Variants in REPS1 observed in about 807,000 individuals in gnomAD.
REPS1 encodes the protein ralBP1-associated Eps domain-containing protein 1.
Under a neutral mutation model 100.9 loss-of-function variants are expected in REPS1, and 39 were observed. That is an observed-to-expected ratio of 0.39 (90% CI 0.30 to 0.50). The LOEUF (loss-of-function observed/expected upper bound fraction) is 0.50, where lower values mean the gene tolerates loss of function less well. Ranked by LOEUF, REPS1 falls within the 20% of genes least tolerant of loss-of-function variation. The probability of loss-of-function intolerance (pLI) is 0.86; values close to 1 mark genes in which losing one functional copy is unlikely to be tolerated. For missense variants in REPS1, 821 were observed against 968.5 expected (o/e 0.85, Z 2.02); for synonymous variants, 324 against 340.3 (o/e 0.95, Z 0.53).
chr6:138,958,874 G>A (rs1263832174), intron 1 of REPS1, among the ~76,000 whole-genome samples: 2 of 152,074 alleles, frequency 1.3e-5, no homozygotes, highest in Non-Finnish European at 2.9e-5. Context: ...TATAAAACAA[G>A]AATAGTTCCT....
At chr6:138,978,880 C>T (rs575401179) in intron 1 of REPS1, among the ~76,000 whole-genome samples, 7 of 152,178 alleles carry the variant, frequency 4.6e-5, no homozygotes, top group African/African-American at 1.7e-4. Context: ...CTTTCTTCCC[C>T]ACTGTTAAAA....
chr6:138,943,494 A>G lies in REPS1; in HGVS notation c.980+19T>C. ...TTGGAAGCAACCCAGTTACCCAACT[A>G]ATGATATACCACACTTACCAAATAT... is the stretch of plus-strand genomic sequence containing the variant. On this transcript the variant is annotated intron_variant, in intron 7 of 19. Transcript: ENST00000450536. 6.6e-7 allele frequency: 1 copy of G among 1,504,744 alleles called. No homozygotes were observed. The highest frequency in any genetic ancestry group is 9.2e-7 in the Non-Finnish European group (1 of 1,086,972). 93.2% of individuals were successfully genotyped at this position (1,504,744 alleles called of 1,614,324 possible). A position where few individuals can be genotyped will look rare whatever the true frequency, so the allele number is the denominator to read the frequency against.
chr6:138,986,876 C>T (rs1785289596), intron 1 of REPS1, among the ~76,000 whole-genome samples: 1 of 152,214 alleles, frequency 6.6e-6, no homozygotes, highest in African/African-American at 2.4e-5. Flanking sequence ...CTGTTCAATA[C>T]TCATCTCCCA....
intron 1 of REPS1, among the ~76,000 whole-genome samples, chr6:138,955,457 A>AGTGT (rs1554294151): frequency 0.02 from 1,805 of 90,722 alleles, 43 homozygotes; most frequent in East Asian, 0.056. Context: ...AAAAAAAAAA[A>AGTGT]GTGTGTGTGT....
At chr6:138,943,469 T>C in intron 7 of REPS1, 44 bp downstream of exon 7, 1 of 1,267,604 alleles carries the variant, frequency 7.9e-7, no homozygotes, top group South Asian at 1.2e-5. Flanking sequence ...TAGAAACTCC[T>C]TGGAAGCAAC....
At position 138,947,780 on chromosome 6, in the gene REPS1, C is replaced by T; in HGVS notation, c.277+10G>A. The stretch of plus-strand genomic sequence containing the variant: ...ATTTTCTTTCGGTTACTAGTGTACT[C>T]TATATTTACCTGTATTTATACTTTC... On this transcript the variant is annotated intron_variant, in intron 2 of 19. Transcript: ENST00000450536. 1 of 1,575,310 alleles carries T rather than the reference C, an allele frequency of 6.3e-7. No homozygotes were observed.
chr6:138,944,450 T>C (rs1308265146), intron 5 of REPS1, 48 bp downstream of exon 5: 2 of 1,583,378 alleles, frequency 1.3e-6, no homozygotes, highest in South Asian at 1.1e-5. Context: ...ACTGGAGCAA[T>C]ACTCTGAATG....
chr6:138,967,321 A>C (rs1784079290), intron 1 of REPS1, among the ~76,000 whole-genome samples: 1 of 152,244 alleles, frequency 6.6e-6, no homozygotes, highest in South Asian at 2.1e-4. Flanking sequence ...TAATCTTTAA[A>C]AATCTATTTC....
intron 10 of REPS1, among the ~76,000 whole-genome samples, chr6:138,921,990 TGTGTGTG>T (rs1780804861): frequency 1.3e-5 from 2 of 151,850 alleles, no homozygotes; most frequent in African/African-American, 4.8e-5. Flanking sequence ...TGTGTGTGTG[TGTGTGTG>T]TGTGTGTGAG....
At chr6:138,954,317 T>G (rs553068058) in intron 1 of REPS1, among the ~76,000 whole-genome samples, 1 of 152,122 alleles carries the variant, frequency 6.6e-6, no homozygotes, top group Non-Finnish European at 1.5e-5. Context: ...GGAAGGATAC[T>G]GAATGCTCCT....
chr6:138,944,673 A>G, intron 4 of REPS1, 51 bp from the exon 5 acceptor site: 1 of 1,561,036 alleles, frequency 6.4e-7, no homozygotes. Flanking sequence ...GAAAAAAGTT[A>G]CTAGGAAGTT....
chr6:138,945,755 C>T (rs1782572979), intron 2 of REPS1, 58 bp from the exon 3 acceptor site: 3 of 1,296,248 alleles, frequency 2.3e-6, no homozygotes, highest in African/African-American at 1.5e-5. Flanking sequence ...ATATTGAAAA[C>T]TAAAATAAGA....
chr6:138,977,583 T>C (rs1353833221), intron 1 of REPS1, among the ~76,000 whole-genome samples: 1 of 150,252 alleles, frequency 6.7e-6, no homozygotes, highest in Non-Finnish European at 1.5e-5. Flanking sequence ...TGTTATAACA[T>C]ATATCACTAA....
At chr6:138,972,735 TAA>T (rs1784406745) in intron 1 of REPS1, among the ~76,000 whole-genome samples, 2 of 151,762 alleles carry the variant, frequency 1.3e-5, no homozygotes, top group Non-Finnish European at 2.9e-5. Context: ...AACGATTGCT[TAA>T]AGTTATTAGC....
intron 1 of REPS1, chr6:138,950,951 G>A (rs1456165360): frequency 6.6e-6 from 1 of 152,156 alleles, no homozygotes; most frequent in Non-Finnish European, 1.5e-5. Flanking sequence ...AGCACTTTGG[G>A]AGCCAAGGTG....
At chr6:138,955,313 G>C (rs1374655613) in intron 1 of REPS1, among the ~76,000 whole-genome samples, 1 of 151,848 alleles carries the variant, frequency 6.6e-6, no homozygotes, top group African/African-American at 2.4e-5. Context: ...AGCAGGGTGT[G>C]ATGGCACACC....
intron 15 of REPS1, among the ~76,000 whole-genome samples, chr6:138,913,641 G>A (rs1030241708): frequency 1.5e-4 from 23 of 152,188 alleles, no homozygotes; most frequent in African/African-American, 5.5e-4. Context: ...AAAGAAATCT[G>A]AAGTCTCTTC....
At chr6:138,925,340 C>T (rs1259501500) in intron 10 of REPS1, among the ~76,000 whole-genome samples, 1 of 152,128 alleles carries the variant, frequency 6.6e-6, no homozygotes, top group African/African-American at 2.4e-5. Flanking sequence ...GCACTCCAGC[C>T]TGGGCGAAAG....
Position 138,944,614 on chromosome 6 carries a change from CAGA to C in REPS1, c.634_636del (p.Ser212del). On this transcript the variant is annotated inframe_deletion, in exon 5 of 20. Transcript: ENST00000450536. ...TGCCCTGACCACACTGCATCACCAG[CAGA>C]AGAACCTATAAGGAGAATGGGTAAA... The C allele has an allele frequency of 6.2e-7, 1 of 1,613,234 alleles. No individual in the cohort carries two copies. The highest frequency in any genetic ancestry group is 8.5e-7 in the Non-Finnish European group (1 of 1,179,768).
Sources: gnomAD v4.1 joint callset for allele counts (sites outside exome capture counted in the v4.1 genomes callset) on GRCh38, gnomAD v4.1.1 for gene constraint, MANE v1.5 for transcripts, NCBI Gene and HGNC (gene_info 2026-07-23, HGNC 2026-07-21) for gene names.